CD9: variants seen among roughly 807,000 people sequenced by gnomAD.
CD9 encodes CD9 molecule, also known as CD9 antigen.
Under a neutral mutation model 31.4 loss-of-function variants are expected in CD9, and 10 were observed. The ratio of observed to expected loss-of-function variants is 0.32; its 90% CI spans 0.20 to 0.54. The LOEUF is 0.54. Ranked by LOEUF, CD9 falls within the 20% of genes least tolerant of loss-of-function variation. The pLI, the probability that CD9 is intolerant of heterozygous loss-of-function variation, is 0.94. For synonymous variants in CD9, 113 were observed against 114.1 expected (o/e 0.99, Z 0.06); for missense variants, 259 against 300.1 (o/e 0.86, Z 1.01).
At chr12:6,229,898 G>A (rs910602018) in intron 2 of CD9, among the ~76,000 whole-genome samples, 1 of 149,420 alleles carries the variant, frequency 6.7e-6, no homozygotes, top group African/African-American at 2.5e-5. Flanking sequence ...AATTAATACC[G>A]TAATCCTAGA....
chr12:6,231,020 A>T (rs1946439073), intron 2 of CD9, among the ~76,000 whole-genome samples: 1 of 152,166 alleles, frequency 6.6e-6, no homozygotes, highest in Non-Finnish European at 1.5e-5. Context: ...CTCGGGGTGC[A>T]GATGTGGGAC....
chr12:6,220,497 C>T (rs1946282646), intron 1 of CD9, among the ~76,000 whole-genome samples: 1 of 152,252 alleles, frequency 6.6e-6, no homozygotes, highest in South Asian at 2.1e-4. Flanking sequence ...AAGCAGAGAG[C>T]ACCCTGAAGG....
chr12:6,218,259 A>G (rs1482641793), intron 1 of CD9, among the ~76,000 whole-genome samples: 1 of 151,780 alleles, frequency 6.6e-6, no homozygotes, highest in Non-Finnish European at 1.5e-5. Context: ...CAGTCAGTAC[A>G]TATTACAGAA....
At chr12:6,215,069 TC>T (rs1946231226) in intron 1 of CD9, among the ~76,000 whole-genome samples, 1 of 151,980 alleles carries the variant, frequency 6.6e-6, no homozygotes, top group South Asian at 2.1e-4. Flanking sequence ...GACCCCAGGT[TC>T]CCTCCCCGTG....
At chr12:6,215,134 C>G (rs572688641) in intron 1 of CD9, among the ~76,000 whole-genome samples, 2 of 152,254 alleles carry the variant, frequency 1.3e-5, no homozygotes, top group African/African-American at 2.4e-5. Flanking sequence ...CTCTCCAGAT[C>G]GGAGTGTAAA....
chr12:6,213,167 G>A (rs769900385), intron 1 of CD9, among the ~76,000 whole-genome samples: 4 of 152,208 alleles, frequency 2.6e-5, no homozygotes, highest in Non-Finnish European at 5.9e-5. Flanking sequence ...AGCTTCTGCT[G>A]CTGTTGCTGT....
At chr12:6,228,946 C>T (rs1468711020) in intron 2 of CD9, among the ~76,000 whole-genome samples, 1 of 152,232 alleles carries the variant, frequency 6.6e-6, no homozygotes, top group Non-Finnish European at 1.5e-5. Flanking sequence ...GGGGCCACAG[C>T]TTACCAAGTA....
chr12:6,216,608 T>C (rs1214481150), intron 1 of CD9, among the ~76,000 whole-genome samples: 1 of 152,158 alleles, frequency 6.6e-6, no homozygotes, highest in Admixed American at 6.5e-5. Context: ...GCCAACAGTC[T>C]CCCTTTAGCC....
At position 6,232,859 on chromosome 12, in the gene CD9, G is replaced by A. The variant is rs1946466749; in HGVS notation, c.273+130G>A. On this transcript the variant is annotated intron_variant, in intron 3 of 7. Coordinates refer to ENST00000009180, the MANE Select transcript of CD9 (RefSeq NM_001769.4). This position sits in a 1 kb window ranked among gnomAD's most constrained non-coding sequence, Gnocchi z 4.8. ...GGAAGGTACCCAAAGGGCATGAGCT[G>A]TCCTCAGCCTGGGCCCCTCCCCGAT... 1.4e-6 allele frequency: 1 copy of A among 726,778 alleles called. No homozygotes were observed. 45.0% of individuals were successfully genotyped at this position (726,778 alleles called of 1,614,324 possible).
chr12:6,222,131 T>C (rs1946299346), intron 1 of CD9, among the ~76,000 whole-genome samples: 1 of 152,246 alleles, frequency 6.6e-6, no homozygotes, highest in South Asian at 2.1e-4. Context: ...AAAGGCATTA[T>C]TGGGTGGCAC....
At chr12:6,235,664 C>T in intron 6 of CD9, 99 bp downstream of exon 6, 1 of 1,465,148 alleles carries the variant, frequency 6.8e-7, no homozygotes, top group Non-Finnish European at 9.1e-7. Flanking sequence ...TTCAGCAAGA[C>T]CCGTTCTGCC....
chr12:6,220,466 G>A (rs139235440), intron 1 of CD9, among the ~76,000 whole-genome samples: 180 of 152,228 alleles, frequency 1.2e-3, no homozygotes, highest in African/African-American at 4.1e-3. Context: ...TGGTTAAGAC[G>A]CCAGCTCAGG....
In CD9 at chr12:6,203,058, G is replaced by A. The variant is rs570667270; in HGVS notation, c.66+2493G>A. On this transcript the variant is annotated intron_variant, in intron 1 of 7. Coordinates refer to ENST00000009180, the MANE Select transcript of CD9 (RefSeq NM_001769.4). ...TGTAATGAAAAGGAAGACTGTGGTCGGTCCACTTGTGCAGAGTGTTAGTCT... is the reference window on the plus strand; with the variant it reads ...TGTAATGAAAAGGAAGACTGTGGTCAGTCCACTTGTGCAGAGTGTTAGTCT... Among the ~76,000 whole-genome samples the A allele has an allele frequency of 6.6e-5, 10 of 152,266 alleles. No individual in the cohort carries two copies. In the South Asian group the frequency reaches 1.9e-3, roughly 28 times the overall value.
intron 3 of CD9, chr12:6,233,128 G>C (rs911303589): frequency 4.3e-6 from 3 of 693,504 alleles, no homozygotes; most frequent in Non-Finnish European, 7.9e-6. Flanking sequence ...GTAGTTGCCT[G>C]CTCACTGACT....
Position 6,232,233 on chromosome 12 carries a change from C to T in CD9, c.176-399C>T. On this transcript the variant is annotated intron_variant, in intron 2 of 7. Transcript: ENST00000009180. This position sits in a 1 kb window ranked among gnomAD's most constrained non-coding sequence, Gnocchi z 4.8. ...GTAAGGCAGGGTCCCAGAAGTTAGC[C>T]AGAGTGTGGAAGGTATATGCTAACT... The T allele has an allele frequency of 4.2e-6, 1 of 239,432 alleles. No individual in the cohort carries two copies. The highest frequency in any genetic ancestry group is 4.6e-5 in the South Asian group (1 of 21,588). The allele number at this position is 239,432 out of a possible 1,614,324, so 14.8% of individuals were successfully genotyped here.
chr12:6,207,814 C>T (rs756236635), intron 1 of CD9, among the ~76,000 whole-genome samples: 5 of 152,192 alleles, frequency 3.3e-5, no homozygotes, highest in Non-Finnish European at 7.3e-5. Flanking sequence ...AGTTTGGGGA[C>T]TACTGACTTG....
chr12:6,221,237 C>G (rs1013170997), intron 1 of CD9, among the ~76,000 whole-genome samples: 5 of 152,168 alleles, frequency 3.3e-5, no homozygotes, highest in Non-Finnish European at 7.3e-5. Flanking sequence ...GGAGCTTTTC[C>G]CAGCAAAACC....
In CD9 at chr12:6,220,275, C is replaced by T. The variant is rs184651849; in HGVS notation, c.67-5151C>T. 2.6e-5 allele frequency among the ~76,000 whole-genome samples: 4 copies of T among 152,280 alleles called. No individual in the cohort carries two copies. In the East Asian group the frequency reaches 5.8e-4, roughly 22 times the overall value. ...CTTGTACTAGCAGAGGCACAATGCA[C>T]GAGGCTGAACTCGGGAAACTTGGAG... On this transcript the variant is annotated intron_variant, in intron 1 of 7. Coordinates refer to ENST00000009180, the MANE Select transcript of CD9 (RefSeq NM_001769.4).
intron 1 of CD9, among the ~76,000 whole-genome samples, chr12:6,210,493 G>T (rs1487439486): frequency 6.6e-6 from 1 of 152,134 alleles, no homozygotes; most frequent in Non-Finnish European, 1.5e-5. Context: ...TACCCCCACT[G>T]CCCCCAAGCG....
Sources: allele counts gnomAD v4.1 joint callset (sites outside exome capture counted in the v4.1 genomes callset), GRCh38; gene constraint gnomAD v4.1.1; non-coding constraint Gnocchi (gnomAD v3.1); transcripts MANE v1.5; gene names NCBI Gene and HGNC (gene_info 2026-07-23, HGNC 2026-07-21).